The following PROSER3 variants were observed in gnomAD, a reference collection of about 807,000 sequenced individuals.
The protein encoded by PROSER3 is proline and serine-rich protein 3.
Under a neutral mutation model 50.2 loss-of-function variants are expected in PROSER3, and 33 were observed. The ratio of observed to expected loss-of-function variants is 0.66; its 90% CI spans 0.50 to 0.88. The LOEUF (loss-of-function observed/expected upper bound fraction) is 0.88. PROSER3 is among the 40% of genes least tolerant of loss of function. PROSER3 has a pLI of 0.00. For synonymous variants in PROSER3, 266 were observed against 259.3 expected, an observed-to-expected ratio of 1.03 and a Z score of -0.25; for missense variants, 623 against 612.7, an observed-to-expected ratio of 1.02 and a Z score of -0.18.
intron 8 of PROSER3, chr19:35,767,138 A>G (rs1450118877): frequency 3.8e-6 from 3 of 785,504 alleles, no homozygotes; most frequent in Admixed American, 6.2e-5. Flanking sequence ...CCCACTGTGG[A>G]GCAGTGTGGC....
Position 35,767,796 on chromosome 19 carries a change from G to C in PROSER3, c.958-8G>C, listed in dbSNP as rs79020519. On this transcript the variant is annotated splice_region_variant and splice_polypyrimidine_tract_variant and intron_variant, in intron 8 of 10. Transcript: ENST00000396908. ...CCCCCTCCATCTGAATCCCAGTGTC[G>C]GGCCAAGGCCGAGTCTCTGAAAGCC... 3.7e-3 allele frequency: 5,895 copies of C among 1,607,128 alleles called. 312 individuals are homozygous for C. In the East Asian group the frequency reaches 0.12, roughly 31 times the overall value.
At chr19:35,758,280 G>T in intron 1 of PROSER3, 54 bp downstream of exon 1, 6 of 1,549,148 alleles carry the variant, frequency 3.9e-6, no homozygotes, top group Non-Finnish European at 5.2e-6. Flanking sequence ...GACCAACGGC[G>T]AGAGCAGCAC....
chr19:35,758,205 G>A (rs1351261446), exon 1 of PROSER3: 3 of 1,560,854 alleles, frequency 1.9e-6, no homozygotes, highest in Non-Finnish European at 1.7e-6. Flanking sequence ...AAGCGCGGAG[G>A]GAGCCGCGGG....
chr19:35,767,551 G>A, intron 8 of PROSER3: 1 of 539,688 alleles, frequency 1.9e-6, no homozygotes, highest in Non-Finnish European at 3.3e-6. Flanking sequence ...TGGGGCCCAA[G>A]TCTCGGAGGA....
Position 35,764,934 on chromosome 19 carries a change from C to A in PROSER3, c.624C>A (p.Arg208=), listed in dbSNP as rs774032469. The A allele has an allele frequency of 8.7e-6, 14 of 1,613,516 alleles. No homozygotes were observed. The African/African-American group carries it at 1.5e-4, about 17-fold the overall frequency. Reference sequence around the variant, plus strand: ...GCAGAGCTGCCAGGCTGCTCAAACGCAGGTGCCCGCACCCCTGCCCCCATC... The same window carrying A: ...GCAGAGCTGCCAGGCTGCTCAAACGAAGGTGCCCGCACCCCTGCCCCCATC... Residue 208 remains arginine (R), a splice_region_variant and synonymous_variant, in exon 6 of 11, where the codon CGC becomes CGA. Transcript: ENST00000396908.
chr19:35,767,307 C>G (rs540099197), intron 8 of PROSER3: 1 of 298,552 alleles, frequency 3.3e-6, no homozygotes, highest in South Asian at 5.8e-5. Flanking sequence ...ACGCAGCAGG[C>G]CTCCACCCTA....
chr19:35,760,065 T>G lies in PROSER3; in HGVS notation c.311+74T>G. The G allele has an allele frequency of 4.4e-6, 6 of 1,376,820 alleles. No homozygotes were observed. The South Asian group carries it at 8.9e-5, about 20-fold the overall frequency. The allele number at this position is 1,376,820 out of a possible 1,614,324, so 85.3% of individuals were successfully genotyped here. On this transcript the variant is annotated intron_variant, in intron 3 of 10. Coordinates refer to ENST00000396908, the Ensembl canonical transcript of PROSER3. ...GGGAGAAGGCATGCAGTAATAATCA[T>G]CATGGCCAGAGCTGTTTCTGCAGCA...
intron 3 of PROSER3, among the ~76,000 whole-genome samples, chr19:35,760,885 C>T (rs191833698): frequency 1.3e-5 from 2 of 152,290 alleles, no homozygotes; most frequent in Non-Finnish European, 2.9e-5. Context: ...CACATAGTCA[C>T]CACTTAGATT....
chr19:35,762,208 G>A, intron 4 of PROSER3, 45 bp from the exon 5 acceptor site: 1 of 1,596,368 alleles, frequency 6.3e-7, no homozygotes, highest in Non-Finnish European at 8.6e-7. Flanking sequence ...AATGCCCCCA[G>A]CAGCCACTCC....
At position 35,764,956 on chromosome 19, in the gene PROSER3, C is replaced by T. The variant is rs1971088141; in HGVS notation, c.626+20C>T. The T allele has an allele frequency of 4.3e-6, 7 of 1,613,418 alleles. No homozygotes were observed. The highest frequency in any genetic ancestry group is 1.3e-5 in the African/African-American group (1 of 75,058). ...ACGCAGGTGCCCGCACCCCTGCCCCCATCACCCTTCCTACTGCGGCTCCAC... is the reference window on the plus strand; with the variant it reads ...ACGCAGGTGCCCGCACCCCTGCCCCTATCACCCTTCCTACTGCGGCTCCAC... On this transcript the variant is annotated intron_variant, in intron 6 of 10. Transcript: ENST00000396908.
downstream of PROSER3, among the ~76,000 whole-genome samples, chr19:35,770,317 TG>T (rs1470551689): frequency 3.3e-5 from 5 of 151,966 alleles, no homozygotes; most frequent in African/African-American, 7.3e-5. Flanking sequence ...GGATTACAGA[TG>T]TGAGCCACCG....
chr19:35,760,025 T>C (rs1407899456), intron 3 of PROSER3, 34 bp downstream of exon 3: 4 of 1,507,044 alleles, frequency 2.7e-6, no homozygotes, highest in Non-Finnish European at 3.6e-6. Flanking sequence ...AAAAAGAGGC[T>C]TTGGGTTAGA....
rs773891657 is a variant in PROSER3 at position 35,766,972 on chromosome 19, A to G, written c.957+17A>G. Reference sequence around the variant, plus strand: ...CGCACGTTGGTGAGCCGAGGGAGGGAGGAGCCTGGGGGGAGCTGGAGGAGG... The same window carrying G: ...CGCACGTTGGTGAGCCGAGGGAGGGGGGAGCCTGGGGGGAGCTGGAGGAGG... On this transcript the variant is annotated intron_variant, in intron 8 of 10. Coordinates refer to ENST00000396908, the Ensembl canonical transcript of PROSER3. The G allele has an allele frequency of 6.5e-7, 1 of 1,539,918 alleles. No individual in the cohort carries two copies. The highest frequency in any genetic ancestry group is 8.8e-7 in the Non-Finnish European group (1 of 1,138,074).
At chr19:35,758,383 C>G in intron 1 of PROSER3, 157 bp downstream of exon 1, 2 of 966,202 alleles carry the variant, frequency 2.1e-6, no homozygotes, top group Non-Finnish European at 1.4e-6. Context: ...GTTGGCCTCT[C>G]CAGCCGTAGC....
chr19:35,766,096 T>G (rs559429805), intron 7 of PROSER3, among the ~76,000 whole-genome samples: 1 of 151,620 alleles, frequency 6.6e-6, no homozygotes, highest in African/African-American at 2.4e-5. Context: ...TGGAGGAGAG[T>G]AGAGAGACCA....
At chr19:35,762,730 TA>T (rs35934536) in intron 5 of PROSER3, 37,398 of 100,574 alleles carry the variant, frequency 0.37, 6,063 homozygotes, top group African/African-American at 0.48. Flanking sequence ...TGTCTCTATT[TA>T]AAAAAAAAAA....
At chr19:35,762,206 C>A (rs776361767) in intron 4 of PROSER3, 47 bp from the exon 5 acceptor site, 1 of 1,597,120 alleles carries the variant, frequency 6.3e-7, no homozygotes, top group South Asian at 1.1e-5. Flanking sequence ...TCAATGCCCC[C>A]AGCAGCCACT....
At chr19:35,766,210 C>T (rs35835993) in intron 7 of PROSER3, among the ~76,000 whole-genome samples, 3,339 of 152,098 alleles carry the variant, frequency 0.022, 51 homozygotes, top group Non-Finnish European at 0.035. Context: ...GTCTTCTGGT[C>T]ACTGCTGTAA....
At chr19:35,767,836 C>G (rs763264960) in exon 9 of PROSER3, 4 of 1,613,152 alleles carry the variant, frequency 2.5e-6, no homozygotes, top group Non-Finnish European at 3.4e-6. Flanking sequence ...CCTTGCCGCC[C>G]GCAGCGGGGT....
Sources: allele counts gnomAD v4.1 joint callset (sites outside exome capture counted in the v4.1 genomes callset), GRCh38; gene constraint gnomAD v4.1.1; transcripts MANE v1.5; gene names NCBI Gene and HGNC (gene_info 2026-07-23, HGNC 2026-07-21).